Variants in ATP8B1 observed in about 807,000 individuals in gnomAD.
The protein encoded by ATP8B1 is phospholipid-transporting ATPase IC.
In ATP8B1, 80 loss-of-function variants were observed where a neutral mutation model predicts 149.9. That is an observed-to-expected ratio of 0.53 (90% CI 0.45 to 0.64). ATP8B1 has a LOEUF of 0.64. Ranked by LOEUF, ATP8B1 falls within the 30% of genes least tolerant of loss-of-function variation. ATP8B1 has a pLI of 0.00. For synonymous variants in ATP8B1, 536 were observed against 562.8 expected (o/e 0.95, Z 0.67); for missense variants, 1,247 against 1,552.6 (o/e 0.80, Z 3.31).
chr18:57,696,112 G>A (rs980902808), intron 8 of ATP8B1, among the ~76,000 whole-genome samples: 11 of 152,220 alleles, frequency 7.2e-5, no homozygotes, highest in African/African-American at 2.6e-4. Context: ...CACGACTGAA[G>A]GCTTTATATA....
chr18:57,765,472 A>G (rs925836548), intron 1 of ATP8B1, among the ~76,000 whole-genome samples: 2 of 152,186 alleles, frequency 1.3e-5, no homozygotes, highest in Non-Finnish European at 2.9e-5. Context: ...GTTCGAGACC[A>G]GCCTGGTCAA....
chr18:57,708,207 G>A (rs113706093), intron 2 of ATP8B1, among the ~76,000 whole-genome samples: 3 of 149,198 alleles, frequency 2.0e-5, no homozygotes, highest in African/African-American at 7.4e-5. Context: ...ATTGAGGAAT[G>A]CAAATAATTA....
chr18:57,683,003 A>AT (rs1568194436), intron 15 of ATP8B1, among the ~76,000 whole-genome samples: 1 of 151,812 alleles, frequency 6.6e-6, no homozygotes. Flanking sequence ...AATTTTTTGT[A>AT]TTTTTTGGTG....
Position 57,736,689 on chromosome 18 carries a change from G to A in ATP8B1, c.-25-4857C>T, listed in dbSNP as rs1411545554. 2.0e-5 allele frequency among the ~76,000 whole-genome samples: 3 copies of A among 148,120 alleles called. No homozygotes were observed. In the Admixed American group the frequency reaches 2.0e-4, roughly 10 times the overall value. On this transcript the variant is annotated intron_variant, in intron 1 of 27. Coordinates refer to ENST00000648908, the MANE Select transcript of ATP8B1 (RefSeq NM_001374385.1). Reference sequence around the variant, plus strand: ...TTGTCCAAACTGGTCTTGAATTCCTGGGTCAAGTGATCCTCCAGGCTTGGG... The same window carrying A: ...TTGTCCAAACTGGTCTTGAATTCCTAGGTCAAGTGATCCTCCAGGCTTGGG...
In ATP8B1 at chr18:57,776,664, AAAGTGACTGGAACC is replaced by A. The variant is rs538450269; in HGVS notation, c.-26+26320_-26+26333del. Among the ~76,000 whole-genome samples, 64 of 152,136 alleles carry A rather than the reference AAAGTGACTGGAACC, an allele frequency of 4.2e-4. 1 individual carries two copies. The South Asian group carries it at 0.013, about 32-fold the overall frequency. ...AACTCAGAGTCACCTTAGATCCTTA[AAAGTGACTGGAACC>A]AAGTCACTAAAAAAAAAAAAAAAGA... is the stretch of plus-strand genomic sequence containing the variant. On this transcript the variant is annotated intron_variant, in intron 1 of 27. Coordinates refer to ENST00000648908, the MANE Select transcript of ATP8B1 (RefSeq NM_001374385.1).
intron 1 of ATP8B1, among the ~76,000 whole-genome samples, chr18:57,752,936 G>A (rs2080036262): frequency 6.6e-6 from 1 of 152,194 alleles, no homozygotes; most frequent in South Asian, 2.1e-4. Flanking sequence ...ATGACAAGAT[G>A]TAGAGGAACC....
intron 15 of ATP8B1, 23 bp from the exon 16 acceptor site, chr18:57,675,045 C>A: frequency 6.2e-7 from 1 of 1,611,926 alleles, no homozygotes; most frequent in South Asian, 1.1e-5. Flanking sequence ...CGAGAGAAAT[C>A]CCAGAAAAGC....
chr18:57,693,003 A>G (rs1912618954), intron 11 of ATP8B1, among the ~76,000 whole-genome samples: 1 of 152,214 alleles, frequency 6.6e-6, no homozygotes, highest in African/African-American at 2.4e-5. Flanking sequence ...ATATCTCACA[A>G]CTTTGTCGTG....
intron 2 of ATP8B1, among the ~76,000 whole-genome samples, chr18:57,708,157 CAAAAAAAAAAA>C (rs36027330): frequency 7.5e-5 from 5 of 67,076 alleles, no homozygotes; most frequent in African/African-American, 1.7e-4. Flanking sequence ...AACTCTGTCT[CAAAAAAAAAAA>C]AAAAAAAAAA....
In ATP8B1 at chr18:57,719,021, A is replaced by G. The variant is rs1183212605; in HGVS notation, c.182-12434T>C. Among the ~76,000 whole-genome samples the G allele has an allele frequency of 3.3e-5, 5 of 152,234 alleles. 1 individual carries two copies. Among genetic ancestry groups the G allele is most frequent in the Admixed American group, 2.6e-4 (4 of 15,282 alleles). On this transcript the variant is annotated intron_variant, in intron 2 of 27. Coordinates refer to ENST00000648908, the MANE Select transcript of ATP8B1 (RefSeq NM_001374385.1). ...TAGCTAGAGCAATCGGACAAGAGAA[A>G]GAAATAAACGGCATCCAAATTGGAA...
intron 26 of ATP8B1, 150 bp from the exon 27 acceptor site, chr18:57,650,647 A>G (rs1022315077): frequency 1.1e-6 from 1 of 883,918 alleles, no homozygotes; most frequent in Non-Finnish European, 1.7e-6. Flanking sequence ...GTTCGAGACC[A>G]GCCTGGGCAA....
In ATP8B1 at chr18:57,648,705, T is replaced by C. The variant is rs1337207936; in HGVS notation, c.3539A>G (p.Lys1180Arg). 1.9e-6 allele frequency: 3 copies of C among 1,553,508 alleles called. No individual in the cohort carries two copies. Among genetic ancestry groups the C allele is most frequent in the Non-Finnish European group, 2.6e-6 (3 of 1,149,042 alleles). The change falls in exon 28 of 28, where the codon AAG (lysine) becomes AGG (arginine). Residue 1180 changes from lysine to arginine, a missense_variant. By Grantham distance (26) the Lys-to-Arg change is conservative (BLOSUM62 2). Coordinates refer to ENST00000648908, the MANE Select transcript of ATP8B1 (RefSeq NM_001374385.1). Reference protein sequence around the residue: ...IWPSESDKIQKHRKRLKAEEQ... With the variant: ...IWPSESDKIQRHRKRLKAEEQ... ...CTCCGCCTTCAACCGCTTGCGATGCTTCTGGATCTGCAAGGGGGAGAGATG... is the reference window on the plus strand; with the variant it reads ...CTCCGCCTTCAACCGCTTGCGATGCCTCTGGATCTGCAAGGGGGAGAGATG...
intron 3 of ATP8B1, among the ~76,000 whole-genome samples, chr18:57,705,092 A>G (rs997421928): frequency 1.3e-5 from 2 of 152,198 alleles, no homozygotes; most frequent in Non-Finnish European, 2.9e-5. Flanking sequence ...AAAAGAAGAA[A>G]GAAAGATACT....
chr18:57,662,464 A>T lies in ATP8B1; in HGVS notation c.2418+19T>A, dbSNP rs112042709. The T allele has an allele frequency of 1.2e-6, 2 of 1,614,026 alleles. No homozygotes were observed. The highest frequency in any genetic ancestry group is 8.5e-7 in the Non-Finnish European group (1 of 1,179,896). ...TCTTTCTTTTGAGTTAAAGGCACAG[A>T]TACACTAATGATACGTACCAACCAA... On this transcript the variant is annotated intron_variant, in intron 21 of 27. Coordinates refer to ENST00000648908, the MANE Select transcript of ATP8B1 (RefSeq NM_001374385.1).
At chr18:57,731,531 G>T (rs907906964) in intron 2 of ATP8B1, 96 bp downstream of exon 2, 3 of 1,395,270 alleles carry the variant, frequency 2.2e-6, no homozygotes, top group Non-Finnish European at 3.0e-6. Context: ...TTCTCTCCTA[G>T]ACCACGCAAA....
chr18:57,798,433 GA>G (rs1568076860), intron 1 of ATP8B1, among the ~76,000 whole-genome samples: 1 of 150,528 alleles, frequency 6.6e-6, no homozygotes, highest in Non-Finnish European at 1.5e-5. Flanking sequence ...ATAGAAAAAA[GA>G]AAAAAAGAAA....
At chr18:57,717,572 A>AAAAAAAAAAAAAAAAAAAAAG in intron 2 of ATP8B1, among the ~76,000 whole-genome samples, 1 of 138,578 alleles carries the variant, frequency 7.2e-6, no homozygotes, top group Non-Finnish European at 1.5e-5. Flanking sequence ...AAAAAAAAAA[A>AAAAAAAAAAAAAAAAAAAAAG]AAAAAAAAAA....
At chr18:57,785,647 A>C (rs2080400011) in intron 1 of ATP8B1, among the ~76,000 whole-genome samples, 1 of 152,200 alleles carries the variant, frequency 6.6e-6, no homozygotes, top group South Asian at 2.1e-4. Context: ...CTGGGATTAC[A>C]GGCGCGTGCC....
rs564637784 is a variant in ATP8B1, at chr18:57,653,163, G to A, written c.3016-434C>T. 1.5e-4 allele frequency among the ~76,000 whole-genome samples: 22 copies of A among 151,632 alleles called. 1 individual carries two copies. In the South Asian group the frequency reaches 4.6e-3, roughly 32 times the overall value. Reference sequence around the variant, plus strand: ...TCTTTCTTTTTAAGAATTGGTATTAGATAAAAATATGCACTAGCTACATAA... The same window carrying A: ...TCTTTCTTTTTAAGAATTGGTATTAAATAAAAATATGCACTAGCTACATAA... On this transcript the variant is annotated intron_variant, in intron 24 of 27. Transcript: ENST00000648908.
Sources: allele counts gnomAD v4.1 joint callset (sites outside exome capture counted in the v4.1 genomes callset), GRCh38; gene constraint gnomAD v4.1.1; transcripts MANE v1.5; gene names NCBI Gene and HGNC (gene_info 2026-07-23, HGNC 2026-07-21).